Variants in TRIO observed in about 807,000 individuals in gnomAD.
TRIO encodes the protein triple functional domain protein.
In TRIO, 58 loss-of-function variants were observed where a neutral mutation model predicts 351.9. The ratio of observed to expected loss-of-function variants is 0.16; its 90% CI spans 0.13 to 0.21. TRIO has a LOEUF of 0.21. Among genes scored for constraint, TRIO ranks in the 10% least tolerant of loss-of-function variants. The pLI, the probability that TRIO is intolerant of heterozygous loss-of-function variation, is 1.00. For missense variants in TRIO, 3,201 were observed against 4,027.8 expected, an observed-to-expected ratio of 0.79 and a Z score of 5.56; for synonymous variants, 1,758 against 1,595.7, an observed-to-expected ratio of 1.10 and a Z score of -2.42.
At chr5:14,189,848 C>T (rs1430874633) in intron 1 of TRIO, among the ~76,000 whole-genome samples, 3 of 151,880 alleles carry the variant, frequency 2.0e-5, no homozygotes, top group Admixed American at 2.0e-4. Flanking sequence ...TCAGCCTCCC[C>T]AGGAGCTGGA....
intron 13 of TRIO, 106 bp downstream of exon 13, chr5:14,359,637 C>T (rs1004011650): frequency 2.4e-5 from 32 of 1,340,250 alleles, no homozygotes; most frequent in African/African-American, 2.9e-5. Context: ...GTGTCCTCAC[C>T]CACACCCCAA....
At chr5:14,264,154 A>G (rs1479681413) in intron 1 of TRIO, among the ~76,000 whole-genome samples, 1 of 152,142 alleles carries the variant, frequency 6.6e-6, no homozygotes, top group Non-Finnish European at 1.5e-5. Flanking sequence ...CTTCATTTAC[A>G]TTAAAAATAT....
chr5:14,208,356 A>G (rs1398078164), intron 1 of TRIO, among the ~76,000 whole-genome samples: 2 of 152,258 alleles, frequency 1.3e-5, no homozygotes, highest in African/African-American at 4.8e-5. Context: ...GACACATGCC[A>G]CAACCTGAGT....
intron 1 of TRIO, among the ~76,000 whole-genome samples, chr5:14,200,587 G>A (rs886098080): frequency 2.0e-5 from 3 of 152,106 alleles, no homozygotes; most frequent in Admixed American, 2.0e-4. Context: ...TTCCCCCATT[G>A]GACCTGGATT....
chr5:14,328,946 G>A (rs1192471916), intron 9 of TRIO, among the ~76,000 whole-genome samples: 1 of 152,032 alleles, frequency 6.6e-6, no homozygotes, highest in Non-Finnish European at 1.5e-5. Flanking sequence ...CAAGAGGTTT[G>A]TTAAGGTCTG....
chr5:14,276,567 A>AG (rs1735538007), intron 2 of TRIO, among the ~76,000 whole-genome samples: 1 of 152,222 alleles, frequency 6.6e-6, no homozygotes, highest in Non-Finnish European at 1.5e-5. Flanking sequence ...TCCTTGGCAA[A>AG]GGCTGCTTTT....
At chr5:14,155,153 CTCA>C (rs1788035795) in intron 1 of TRIO, among the ~76,000 whole-genome samples, 1 of 152,170 alleles carries the variant, frequency 6.6e-6, no homozygotes, top group Non-Finnish European at 1.5e-5. Flanking sequence ...GAAGGCAGAA[CTCA>C]TCATGCTCAA....
chr5:14,440,013 G>C (rs896634648), intron 34 of TRIO, among the ~76,000 whole-genome samples: 3 of 152,108 alleles, frequency 2.0e-5, no homozygotes, highest in African/African-American at 7.2e-5. Flanking sequence ...CAACAAATGT[G>C]GAGGTGGGGA....
At chr5:14,305,650 A>G (rs1038425050) in intron 8 of TRIO, among the ~76,000 whole-genome samples, 3 of 152,196 alleles carry the variant, frequency 2.0e-5, no homozygotes, top group Non-Finnish European at 4.4e-5. Context: ...TTGGGAAGAA[A>G]GTGGCCATTT....
Position 14,465,910 on chromosome 5 carries a change from CAG to C in TRIO, c.5763+271_5763+272del, listed in dbSNP as rs141696809. On this transcript the variant is annotated intron_variant, in intron 37 of 56. Coordinates refer to ENST00000344204, the MANE Select transcript of TRIO (RefSeq NM_007118.4). ...GGGAAGAACTGCATAGGGCAGGTCT[CAG>C]GGAGTGCCTGGTTCAAGCTGCCAGC... 7.9e-3 allele frequency: 3,130 copies of C among 395,380 alleles called. 91 individuals are homozygous for C. The highest frequency in any genetic ancestry group is 0.057 in the African/African-American group (2,839 of 49,910). 24.5% of individuals were successfully genotyped at this position (395,380 alleles called of 1,614,324 possible). A position where few individuals can be genotyped will look rare whatever the true frequency, so the allele number is the denominator to read the frequency against.
intron 21 of TRIO, 146 bp from the exon 22 acceptor site, chr5:14,387,292 G>A: frequency 1.5e-6 from 1 of 689,284 alleles, no homozygotes; most frequent in Non-Finnish European, 2.4e-6. Context: ...GATGGAGTGG[G>A]TGGACCTGGG....
Position 14,389,326 on chromosome 5 carries a change from T to G in TRIO, c.3986T>G (p.Ile1329Ser). The G allele has an allele frequency of 6.2e-7, 1 of 1,612,874 alleles. No homozygotes were observed. Among genetic ancestry groups the G allele is most frequent in the East Asian group, 2.2e-5 (1 of 44,756 alleles). The change falls in exon 25 of 57, where the codon ATT (isoleucine) becomes AGT (serine). Residue 1329 changes from isoleucine to serine, a missense_variant. Ile to Ser is a moderately radical substitution (Grantham distance 142). This residue lies in a region of TRIO where 115 missense variants were observed against 239.6 expected (regional missense o/e 0.48). Transcript: ENST00000344204. ...LWEMTSGVEE[I>S]PPGIVNKELI... ...GAAATGACCAGTGGCGTGGAAGAGA[T>G]TCCACCTGGCATTGTAAACAAAGAA...
intron 33 of TRIO, among the ~76,000 whole-genome samples, chr5:14,415,718 T>C (rs1046660145): frequency 6.6e-6 from 1 of 152,184 alleles, no homozygotes; most frequent in Non-Finnish European, 1.5e-5. Context: ...TGGAAAGAAT[T>C]CAGGAAAGGA....
intron 31 of TRIO, among the ~76,000 whole-genome samples, chr5:14,403,996 G>A (rs112489405): frequency 0.011 from 1,496 of 140,642 alleles, 25 homozygotes; most frequent in African/African-American, 0.042. Context: ...TGCAGGTTGT[G>A]GTGAGGGTGT....
At chr5:14,195,413 T>A (rs1790713221) in intron 1 of TRIO, among the ~76,000 whole-genome samples, 1 of 152,188 alleles carries the variant, frequency 6.6e-6, no homozygotes, top group Non-Finnish European at 1.5e-5. Context: ...GATATGCCTG[T>A]CCTATGGGTG....
chr5:14,263,002 T>G (rs912031587), intron 1 of TRIO, among the ~76,000 whole-genome samples: 5 of 152,208 alleles, frequency 3.3e-5, no homozygotes, highest in Admixed American at 2.0e-4. Flanking sequence ...TGTTTTTGTT[T>G]GTCTACATCT....
At chr5:14,450,828 A>G (rs1052994050) in intron 34 of TRIO, among the ~76,000 whole-genome samples, 5 of 152,210 alleles carry the variant, frequency 3.3e-5, no homozygotes, top group African/African-American at 1.2e-4. Context: ...GCAGAGAAGG[A>G]GAGAACCCCT....
chr5:14,490,579 C>T (rs943393778), intron 48 of TRIO, among the ~76,000 whole-genome samples: 6 of 152,260 alleles, frequency 3.9e-5, no homozygotes, highest in South Asian at 2.1e-4. Context: ...ACTGGAGTCA[C>T]TCCAGCCCTG....
At chr5:14,409,371 G>C (rs534822301) in intron 33 of TRIO, among the ~76,000 whole-genome samples, 7 of 143,382 alleles carry the variant, frequency 4.9e-5, no homozygotes, top group Non-Finnish European at 7.5e-5. Flanking sequence ...GAACAGTATA[G>C]GTTTGCCAAA....
Sources: allele counts gnomAD v4.1 joint callset (sites outside exome capture counted in the v4.1 genomes callset), GRCh38; gene constraint gnomAD v4.1.1; regional missense constraint gnomAD v4.1.1; transcripts MANE v1.5; gene names NCBI Gene and HGNC (gene_info 2026-07-23, HGNC 2026-07-21).